Variants in MYO5B observed in about 807,000 individuals in gnomAD.
The protein encoded by MYO5B is unconventional myosin-Vb.
Under a neutral mutation model 229.3 loss-of-function variants are expected in MYO5B, and 143 were observed. The ratio of observed to expected loss-of-function variants is 0.62; its 90% confidence interval spans 0.54 to 0.72. The LOEUF is 0.72. Among genes scored for constraint, MYO5B ranks in the 30% least tolerant of loss-of-function variants. The pLI is 0.00. For missense variants in MYO5B, 2,321 were observed against 2,331.0 expected (o/e 1.00, Z 0.09); for synonymous variants, 918 against 885.2 (o/e 1.04, Z -0.66).
chr18:50,032,767 C>T (rs538215218), intron 4 of MYO5B, among the ~76,000 whole-genome samples: 313 of 152,286 alleles, frequency 2.1e-3, no homozygotes, highest in African/African-American at 7.1e-3. Context: ...GGGTGGATCA[C>T]CTGAGGTCAG....
chr18:49,922,903 T>C (rs891025891), intron 17 of MYO5B, among the ~76,000 whole-genome samples: 3 of 152,202 alleles, frequency 2.0e-5, no homozygotes, highest in African/African-American at 2.4e-5. Flanking sequence ...GCATCTTGAC[T>C]CTGCTGGCAG....
chr18:50,183,231 T>C (rs2033097695), intron 1 of MYO5B, among the ~76,000 whole-genome samples: 1 of 150,194 alleles, frequency 6.7e-6, no homozygotes. Flanking sequence ...GCTGCTCCCC[T>C]GCCACTCCCA....
In MYO5B at chr18:50,046,244, G is replaced by A. The variant is rs142885129; in HGVS notation, c.139-5930C>T. Among the ~76,000 whole-genome samples the A allele has an allele frequency of 7.9e-5, 12 of 152,282 alleles. No homozygotes were observed. The East Asian group carries it at 2.3e-3, about 29-fold the overall frequency. ...TGGCTCTCAACCCTCCCTGCACACT[G>A]GAATCCCTGGGAGAGCTTTTAAGAA... On this transcript the variant is annotated intron_variant, in intron 2 of 39. Transcript: ENST00000285039.
intron 1 of MYO5B, among the ~76,000 whole-genome samples, chr18:50,060,605 G>A (rs1443523285): frequency 6.6e-6 from 1 of 152,198 alleles, no homozygotes; most frequent in Non-Finnish European, 1.5e-5. Context: ...TTTGAAAAGA[G>A]CCCCACATAT....
chr18:49,927,701 A>G (rs987695315), intron 17 of MYO5B, among the ~76,000 whole-genome samples: 1 of 152,246 alleles, frequency 6.6e-6, no homozygotes, highest in Non-Finnish European at 1.5e-5. Context: ...CATGTAGAAG[A>G]ATGAAACTGG....
chr18:50,040,410 C>T (rs1009355434), intron 2 of MYO5B, 96 bp from the exon 3 acceptor site: 2 of 1,170,948 alleles, frequency 1.7e-6, no homozygotes, highest in African/African-American at 3.0e-5. Flanking sequence ...ACCATCTTAA[C>T]ATGATAGTAA....
chr18:50,010,548 G>C (rs2026150729), intron 4 of MYO5B, among the ~76,000 whole-genome samples: 1 of 152,224 alleles, frequency 6.6e-6, no homozygotes, highest in Non-Finnish European at 1.5e-5. Context: ...TGTGATTCCA[G>C]ATCCAGGTTA....
chr18:49,850,661 A>G (rs902481570), intron 31 of MYO5B: 1 of 152,134 alleles, frequency 6.6e-6, no homozygotes, highest in African/African-American at 2.4e-5. Context: ...GTGTCTAGAG[A>G]AAATTGAGCC....
chr18:50,142,493 G>A (rs1462533014), intron 1 of MYO5B, among the ~76,000 whole-genome samples: 6 of 152,186 alleles, frequency 3.9e-5, no homozygotes, highest in African/African-American at 9.6e-5. Context: ...CCTCATCTAC[G>A]TCTCTGACAA....
At chr18:50,097,157 T>G (rs1369316172) in intron 1 of MYO5B, 1 of 445,116 alleles carries the variant, frequency 2.2e-6, no homozygotes, top group East Asian at 7.1e-5. Flanking sequence ...AGTCTTTCAT[T>G]GCTGGTGTCT....
intron 4 of MYO5B, among the ~76,000 whole-genome samples, chr18:50,023,509 T>A (rs2026299242): frequency 6.6e-6 from 1 of 152,214 alleles, no homozygotes; most frequent in African/African-American, 2.4e-5. Context: ...GAGAGGGCCA[T>A]GATCCTCTTC....
At chr18:49,953,874 T>G (rs2025455301) in intron 13 of MYO5B, among the ~76,000 whole-genome samples, 2 of 149,906 alleles carry the variant, frequency 1.3e-5, no homozygotes, top group African/African-American at 2.5e-5. Context: ...TTAACTGCTT[T>G]AGAATTTATA....
At chr18:50,166,408 G>A (rs1319843851) in intron 1 of MYO5B, among the ~76,000 whole-genome samples, 3 of 152,124 alleles carry the variant, frequency 2.0e-5, no homozygotes, top group Non-Finnish European at 4.4e-5. Flanking sequence ...ACATAAGCAA[G>A]CAAATTTGCT....
chr18:49,924,753 C>T (rs916978718), intron 17 of MYO5B, among the ~76,000 whole-genome samples: 1 of 152,216 alleles, frequency 6.6e-6, no homozygotes, highest in Non-Finnish European at 1.5e-5. Context: ...CCTAACTCAA[C>T]CACCAACCAG....
chr18:50,193,423 T>C (rs1028006612), intron 1 of MYO5B, among the ~76,000 whole-genome samples: 1 of 152,212 alleles, frequency 6.6e-6, no homozygotes, highest in Non-Finnish European at 1.5e-5. Flanking sequence ...CATGAACTCA[T>C]CCCGGCCCTG....
At chr18:49,856,275 G>A (rs903590299) in intron 30 of MYO5B, among the ~76,000 whole-genome samples, 1 of 152,186 alleles carries the variant, frequency 6.6e-6, no homozygotes. Flanking sequence ...ATGTCAAGGC[G>A]CATGCACTGC....
Position 49,928,425 on chromosome 18 carries a change from C to T in MYO5B, c.2090+1087G>A, listed in dbSNP as rs143725723. Among the ~76,000 whole-genome samples the T allele has an allele frequency of 1.6e-3, 244 of 152,290 alleles. 2 individuals carry two copies. The highest frequency in any genetic ancestry group is 6.8e-3 in the Middle Eastern group (2 of 294). ...TTGGGAAGCTGAGGCAGGTGGATCA[C>T]CTGAGGTCAGGAGTTTGAGGCTAGC... On this transcript the variant is annotated intron_variant, in intron 17 of 39. Transcript: ENST00000285039.
intron 14 of MYO5B, among the ~76,000 whole-genome samples, chr18:49,952,401 G>A: frequency 6.8e-6 from 1 of 146,126 alleles, no homozygotes; most frequent in Non-Finnish European, 1.5e-5. Context: ...ATCTGCATCA[G>A]AGTCGGCTTT....
At chr18:50,009,343 A>G (rs1007424337) in intron 4 of MYO5B, among the ~76,000 whole-genome samples, 1 of 152,184 alleles carries the variant, frequency 6.6e-6, no homozygotes, top group African/African-American at 2.4e-5. Context: ...GCACCACTGC[A>G]CTCCAGCCTG....
Sources: allele counts gnomAD v4.1 joint callset (sites outside exome capture counted in the v4.1 genomes callset), GRCh38; gene constraint gnomAD v4.1.1; transcripts MANE v1.5; gene names NCBI Gene and HGNC (gene_info 2026-07-23, HGNC 2026-07-21).